GNAI1: variants seen among roughly 807,000 people sequenced by gnomAD.
GNAI1 encodes the protein guanine nucleotide-binding protein G(i) subunit alpha-1.
In GNAI1, 11 loss-of-function variants were observed where a neutral mutation model predicts 38.9. That is an observed-to-expected ratio of 0.28 (90% CI 0.18 to 0.47). The LOEUF is 0.47. GNAI1 is among the 20% of genes least tolerant of loss of function. The pLI is 0.99. For synonymous variants in GNAI1, 166 were observed against 145.1 expected (o/e 1.14, Z -1.04); for missense variants, 317 against 436.9 (o/e 0.73, Z 2.45).
Position 80,223,261 on chromosome 7 carries a change from C to A in GNAI1, c.*5768C>A, listed in dbSNP as rs1367776001. ...AGGGATTCTTATAATTAATTTTATT[C>A]CTGTGCAAACACACTATCTGTGTAT... On this transcript the variant is annotated 3_prime_UTR_variant, in exon 8 of 8. Transcript: ENST00000649796. 6.6e-6 allele frequency among the ~76,000 whole-genome samples: 1 copy of A among 152,160 alleles called. No homozygotes were observed. The highest frequency in any genetic ancestry group is 2.4e-5 in the African/African-American group (1 of 41,432).
At chr7:80,162,767 A>G (rs912711108) in intron 1 of GNAI1, among the ~76,000 whole-genome samples, 1 of 152,118 alleles carries the variant, frequency 6.6e-6, no homozygotes. Flanking sequence ...TCAGCCACAC[A>G]CTGGGATTTG....
intron 1 of GNAI1, among the ~76,000 whole-genome samples, chr7:80,152,558 CTTTTTTTTTT>C (rs35141470): frequency 1.2e-4 from 12 of 103,016 alleles, no homozygotes; most frequent in Admixed American, 1.0e-3. Context: ...GGTCTCAATT[CTTTTTTTTTT>C]TTTTTTTTTT....
At chr7:80,157,035 G>A (rs772293152) in intron 1 of GNAI1, among the ~76,000 whole-genome samples, 18 of 152,120 alleles carry the variant, frequency 1.2e-4, no homozygotes, top group African/African-American at 3.6e-4. Context: ...GGAAAAATGC[G>A]TAATTACATT....
At chr7:80,201,972 T>C (rs907645408) in intron 4 of GNAI1, among the ~76,000 whole-genome samples, 3 of 152,204 alleles carry the variant, frequency 2.0e-5, no homozygotes, top group African/African-American at 7.2e-5. Context: ...CACTTTAAAT[T>C]TGTAATCATT....
chr7:80,188,215 A>G (rs1196588968), intron 1 of GNAI1, among the ~76,000 whole-genome samples: 2 of 152,210 alleles, frequency 1.3e-5, no homozygotes, highest in African/African-American at 4.8e-5. Context: ...CTGATATTTT[A>G]AAATAGTTTT....
intron 5 of GNAI1, among the ~76,000 whole-genome samples, chr7:80,206,581 A>AT (rs956870697): frequency 4.7e-5 from 7 of 150,110 alleles, no homozygotes; most frequent in South Asian, 2.1e-4. Flanking sequence ...GGGACTTAGA[A>AT]TTTTTTTTTT....
intron 1 of GNAI1, among the ~76,000 whole-genome samples, chr7:80,154,399 G>C (rs1246135829): frequency 6.6e-6 from 1 of 152,146 alleles, no homozygotes; most frequent in Non-Finnish European, 1.5e-5. Context: ...GAAAAACTAG[G>C]ATTAAACTTG....
At chr7:80,182,272 A>C (rs938092314) in intron 1 of GNAI1, among the ~76,000 whole-genome samples, 4 of 152,202 alleles carry the variant, frequency 2.6e-5, no homozygotes, top group African/African-American at 4.8e-5. Context: ...GATTGATTGC[A>C]TAAGTTGGCT....
At chr7:80,148,180 A>G (rs1248850158) in intron 1 of GNAI1, among the ~76,000 whole-genome samples, 2 of 152,198 alleles carry the variant, frequency 1.3e-5, no homozygotes, top group African/African-American at 4.8e-5. Context: ...GCCAAAAACT[A>G]TTTCAGACTT....
rs191545472 is a variant in GNAI1, at chr7:80,214,348, A to G, written c.874+1479A>G. On this transcript the variant is annotated intron_variant, in intron 7 of 7. Transcript: ENST00000649796. ...CTTAATTTTTCCCTTATTTGAATAT[A>G]TTTTTCAGTTTATTTTTATCATATT... 2.8e-4 allele frequency among the ~76,000 whole-genome samples: 43 copies of G among 152,108 alleles called. No homozygotes were observed. The East Asian group carries it at 6.0e-3, about 21-fold the overall frequency.
At chr7:80,151,865 G>T (rs916252163) in intron 1 of GNAI1, among the ~76,000 whole-genome samples, 1 of 152,186 alleles carries the variant, frequency 6.6e-6, no homozygotes, top group African/African-American at 2.4e-5. Flanking sequence ...ATTATTTACG[G>T]GAGGGATAAA....
intron 3 of GNAI1, among the ~76,000 whole-genome samples, chr7:80,191,999 TTTC>T (rs780058107): frequency 1.3e-5 from 2 of 152,220 alleles, no homozygotes; most frequent in South Asian, 4.1e-4. Context: ...TTCATTTATA[TTTC>T]TTCTGTGAAC....
intron 4 of GNAI1, among the ~76,000 whole-genome samples, chr7:80,201,162 A>C (rs1330858407): frequency 2.0e-5 from 3 of 152,178 alleles, no homozygotes; most frequent in Admixed American, 6.6e-5. Flanking sequence ...AATTAGAAAA[A>C]ATACTTACAG....
intron 1 of GNAI1, among the ~76,000 whole-genome samples, chr7:80,179,689 G>A (rs1788256960): frequency 2.0e-5 from 3 of 152,108 alleles, no homozygotes; most frequent in African/African-American, 7.2e-5. Context: ...GAAAAGACCT[G>A]AAATTCCTGG....
chr7:80,184,883 C>A (rs1290442346), intron 1 of GNAI1, among the ~76,000 whole-genome samples: 2 of 152,148 alleles, frequency 1.3e-5, no homozygotes, highest in African/African-American at 4.8e-5. Flanking sequence ...CACATTCTTC[C>A]CTCTAAACTC....
In GNAI1 at chr7:80,223,161, C is replaced by T. The variant is rs1380409141; in HGVS notation, c.*5668C>T. Among the ~76,000 whole-genome samples the T allele has an allele frequency of 2.6e-5, 4 of 152,152 alleles. No individual in the cohort carries two copies. Among genetic ancestry groups the T allele is most frequent in the Non-Finnish European group, 4.4e-5 (3 of 68,024 alleles). On this transcript the variant is annotated 3_prime_UTR_variant, in exon 8 of 8. Transcript: ENST00000649796. Reference sequence around the variant, plus strand: ...AAGTTGGACCATCATACGTTGGGGACCATCTGTACATAGAGTAGGACTCTT... The same window carrying T: ...AAGTTGGACCATCATACGTTGGGGATCATCTGTACATAGAGTAGGACTCTT...
chr7:80,139,936 A>T, intron 1 of GNAI1, among the ~76,000 whole-genome samples: 1 of 133,372 alleles, frequency 7.5e-6, no homozygotes. Context: ...TTTTTTGTAA[A>T]GGTAGATCTC....
intron 1 of GNAI1, among the ~76,000 whole-genome samples, chr7:80,149,637 G>T (rs534882928): frequency 1.6e-4 from 24 of 152,218 alleles, no homozygotes; most frequent in African/African-American, 5.5e-4. Context: ...TCCATTTTGA[G>T]ATTCATCAGA....
chr7:80,214,082 A>ACTAGG (rs1006336304), intron 7 of GNAI1, among the ~76,000 whole-genome samples: 1 of 152,146 alleles, frequency 6.6e-6, no homozygotes, highest in African/African-American at 2.4e-5. Flanking sequence ...ACCATGAACG[A>ACTAGG]CTAGGCTACA....
Sources: gnomAD v4.1 joint callset for allele counts (sites outside exome capture counted in the v4.1 genomes callset) on GRCh38, gnomAD v4.1.1 for gene constraint, MANE v1.5 for transcripts, NCBI Gene and HGNC (gene_info 2026-07-23, HGNC 2026-07-21) for gene names.